The following RORC variants were observed in gnomAD, a reference collection of about 807,000 sequenced individuals.
The protein encoded by RORC is nuclear receptor ROR-gamma.
In RORC, 13 loss-of-function variants were observed where a neutral mutation model predicts 64.5. That is an observed-to-expected ratio of 0.20 (90% CI 0.13 to 0.32). The LOEUF is 0.32. RORC is among the 10% of genes least tolerant of loss of function. The pLI is 1.00. For synonymous variants in RORC, 277 were observed against 259.3 expected (o/e 1.07, Z -0.65); for missense variants, 468 against 669.5 (o/e 0.70, Z 3.32).
rs59443678 is a variant in RORC, at chr1:151,830,659, C to CACACACACACACACACAT, written c.40+1065_40+1066insATGTGTGTGTGTGTGTGT. Among the ~76,000 whole-genome samples, 3,476 of 139,066 alleles carry CACACACACACACACACAT rather than the reference C, an allele frequency of 0.025. 197 individuals are homozygous for CACACACACACACACACAT. The highest frequency in any genetic ancestry group is 0.043 in the Admixed American group (607 of 13,982). The allele number at this position is 139,066 out of a possible 152,430, so 91.2% of individuals were successfully genotyped here. ...ACACACACACACACACACACACACA[C>CACACACACACACACACAT]ACAGTGCCCTTCTGCCCGGGAGATG... On this transcript the variant is annotated intron_variant, in intron 1 of 10. Transcript: ENST00000318247. The surrounding 1 kb of genome is among the most constrained non-coding windows in gnomAD (Gnocchi z 4.0).
At position 151,813,816 on chromosome 1, in the gene RORC, G is replaced by A. The variant is rs549321110; in HGVS notation, c.934-196C>T. On this transcript the variant is annotated intron_variant, in intron 6 of 10. Transcript: ENST00000318247. ...GAGTCCCACACACTGAGCACCTACC[G>A]GCTGCTGACACCGAGTTAGCTGTTG... The A allele has an allele frequency of 4.6e-4, 274 of 598,740 alleles. 3 individuals carry two copies. Among genetic ancestry groups the A allele is most frequent in the South Asian group, 4.0e-3 (183 of 46,034 alleles). 37.1% of individuals were successfully genotyped at this position (598,740 alleles called of 1,614,324 possible). A position where few individuals can be genotyped will look rare whatever the true frequency, so the allele number is the denominator to read the frequency against.
Position 151,807,395 on chromosome 1 carries a change from A to G in RORC, c.*77T>C. The G allele has an allele frequency of 1.0e-5, 15 of 1,467,256 alleles. No homozygotes were observed. Among genetic ancestry groups the G allele is most frequent in the Non-Finnish European group, 1.4e-5 (15 of 1,068,362 alleles). 90.9% of individuals were successfully genotyped at this position (1,467,256 alleles called of 1,614,324 possible). A position where few individuals can be genotyped will look rare whatever the true frequency, so the allele number is the denominator to read the frequency against. ...ACCCTCCAGGGTTCATGGGAAAGGA[A>G]AAGGGTGAGGGTGGAACGGGGTCCA... On this transcript the variant is annotated 3_prime_UTR_variant, in exon 11 of 11. Transcript: ENST00000318247. This position sits in a 1 kb window ranked among gnomAD's most constrained non-coding sequence, Gnocchi z 5.0.
intron 1 of RORC, among the ~76,000 whole-genome samples, chr1:151,831,353 C>T (rs2101681621): frequency 6.6e-6 from 1 of 152,240 alleles, no homozygotes; most frequent in Non-Finnish European, 1.5e-5. Context: ...AAGCAGTGTC[C>T]CTGTGCCTCC....
At chr1:151,825,515 A>G (rs1019718609) in intron 2 of RORC, among the ~76,000 whole-genome samples, 1 of 152,148 alleles carries the variant, frequency 6.6e-6, no homozygotes, top group Non-Finnish European at 1.5e-5. Context: ...CTGGAGGCAC[A>G]GAGGGAAACA....
intron 2 of RORC, chr1:151,825,983 AGGGGGTGGTCCAGGAGTGG>A (rs1652179262): frequency 1.2e-6 from 2 of 1,610,858 alleles, no homozygotes; most frequent in Admixed American, 3.3e-5. Context: ...CCTTCTCAGC[AGGGGGTGGTCCAGGAGTGG>A]GGTGCAGCTG....
At chr1:151,828,634 C>T (rs886435662) in intron 2 of RORC, among the ~76,000 whole-genome samples, 2 of 152,142 alleles carry the variant, frequency 1.3e-5, no homozygotes, top group African/African-American at 2.4e-5. Context: ...CTTGTTCACA[C>T]CTCAGGATGT....
chr1:151,810,533 A>T lies in RORC; in HGVS notation c.1395+792T>A, dbSNP rs1030119591. 1.3e-4 allele frequency among the ~76,000 whole-genome samples: 19 copies of T among 142,082 alleles called. No homozygotes were observed. In the East Asian group the frequency reaches 2.7e-3, roughly 20 times the overall value. The allele number at this position is 142,082 out of a possible 152,430, so 93.2% of individuals were successfully genotyped here. A position where few individuals can be genotyped will look rare whatever the true frequency, so the allele number is the denominator to read the frequency against. On this transcript the variant is annotated intron_variant, in intron 10 of 10. Transcript: ENST00000318247. ...GAAGTCTCCTGATAGCTACAAGGAG[A>T]TTTTTTTTTTTTTTTTGAGACAGAG... is the stretch of plus-strand genomic sequence containing the variant.
chr1:151,831,556 T>C, intron 1 of RORC, 169 bp downstream of exon 1: 1 of 707,504 alleles, frequency 1.4e-6, no homozygotes, highest in South Asian at 6.3e-5. Flanking sequence ...CCCCAGCCCC[T>C]CCTCCTGTTT....
chr1:151,825,960 C>T (rs1479660181), intron 2 of RORC: 1 of 1,613,028 alleles, frequency 6.2e-7, no homozygotes, highest in African/African-American at 1.3e-5. Context: ...CTCTGCCGGC[C>T]TTGGCTCCCT....
Position 151,806,456 on chromosome 1 carries a change from T to A in RORC, c.*1016A>T, listed in dbSNP as rs1651314894. ...GACCAGTGCGAGCGACTTCTGCTTC[T>A]CTTGGGTCTTCTAGTGGTAGAAGAC... On this transcript the variant is annotated 3_prime_UTR_variant, in exon 11 of 11. Transcript: ENST00000318247. 1 of 153,166 alleles carries A rather than the reference T, an allele frequency of 6.5e-6. No homozygotes were observed. Among genetic ancestry groups the A allele is most frequent in the African/African-American group, 2.4e-5 (1 of 41,460 alleles). 9.5% of individuals were successfully genotyped at this position (153,166 alleles called of 1,614,324 possible).
chr1:151,813,326 C>A lies in RORC; in HGVS notation c.1087G>T (p.Val363Phe). The change falls in exon 8 of 11, where the codon GTT becomes TTT. Residue 363 changes from valine (V) to phenylalanine (F), a missense_variant. Val to Phe is a conservative substitution (Grantham distance 50). Around this residue, in one of 5 missense-constraint regions of RORC, gnomAD observed 100 missense variants for 190.8 expected, o/e 0.52. Transcript: ENST00000318247. ...GCATTGTAGGCCCGGCACATCCTAACCAGCACCACTTCCATTGCTCCTGGG... is the reference window on the plus strand; with the variant it reads ...GCATTGTAGGCCCGGCACATCCTAAACAGCACCACTTCCATTGCTCCTGGG... ...LKAGAMEVVLVRMCRAYNADN... is the reference protein window; with the variant it reads ...LKAGAMEVVLFRMCRAYNADN... 6.2e-7 allele frequency: 1 copy of A among 1,614,138 alleles called. No individual in the cohort carries two copies. Among genetic ancestry groups the A allele is most frequent in the Non-Finnish European group, 8.5e-7 (1 of 1,179,992 alleles).
Position 151,815,330 on chromosome 1 carries a change from G to T in RORC, c.394C>A (p.Pro132Thr), listed in dbSNP as rs770398960. Residue 132 changes from proline to threonine, a missense_variant, in exon 5 of 11, where the codon CCA (proline) becomes ACA (threonine). Pro to Thr is a conservative substitution (Grantham distance 38). Coordinates refer to ENST00000318247, the MANE Select transcript of RORC (RefSeq NM_005060.4). The stretch of plus-strand genomic sequence containing the variant: ...CCTGCTGGAGGGGTCTTGACCACTG[G>T]TTCCTGTTGCTGCTGTTGCCGCTGC... ...LQQRQQQQQE[P>T]VVKTPPAGAQ... 34 of 1,601,274 alleles carry T rather than the reference G, an allele frequency of 2.1e-5. No individual in the cohort carries two copies. The highest frequency in any genetic ancestry group is 2.8e-5 in the Non-Finnish European group (33 of 1,172,448).
chr1:151,827,035 T>C (rs1272932853), intron 2 of RORC, among the ~76,000 whole-genome samples: 1 of 152,200 alleles, frequency 6.6e-6, no homozygotes, highest in East Asian at 1.9e-4. Context: ...GGAGAATCGC[T>C]TGAACCCGGG....
At position 151,811,357 on chromosome 1, in the gene RORC, A is replaced by C. The variant is rs201848485; in HGVS notation, c.1363T>G (p.Cys455Gly). The change falls in exon 10 of 11, where the codon TGC becomes GGC. Residue 455 changes from cysteine (C) to glycine (G), a missense_variant. Cys to Gly is a radical substitution (Grantham distance 159). Transcript: ENST00000318247. The part of the protein sequence containing the change: ...NLELAFHHHL[C>G]KTHRQSILAK... ...AGGATGCTTTGGCGATGAGTCTTGCAGAGATGATGATGAAAGGCCAGCTCC... is the reference window on the plus strand; with the variant it reads ...AGGATGCTTTGGCGATGAGTCTTGCCGAGATGATGATGAAAGGCCAGCTCC... The C allele has an allele frequency of 9.3e-6, 15 of 1,613,832 alleles. No individual in the cohort carries two copies. Among genetic ancestry groups the C allele is most frequent in the African/African-American group, 1.3e-5 (1 of 74,926 alleles).
chr1:151,827,019 G>A (rs955956374), intron 2 of RORC, among the ~76,000 whole-genome samples: 9 of 152,222 alleles, frequency 5.9e-5, no homozygotes, highest in African/African-American at 2.2e-4. Context: ...TCAGGGGGCT[G>A]AGGCAGGAGA....
Position 151,813,537 on chromosome 1 carries a change from T to C in RORC, c.1017A>G (p.Ser339=), listed in dbSNP as rs770666776. The change falls in exon 7 of 11, where the codon TCA becomes TCG. Residue 339 remains serine (S), a synonymous_variant. Coordinates refer to ENST00000318247, the MANE Select transcript of RORC (RefSeq NM_005060.4). ...QYVVEFAKRL[S]GFMELCQNDQ... ...CATTCTGGCAGAGCTCCATAAAGCC[T>C]GAGAGCCTCTTGGCGAACTCCACCA... The C allele has an allele frequency of 6.2e-7, 1 of 1,614,078 alleles. No individual in the cohort carries two copies. Among genetic ancestry groups the C allele is most frequent in the Admixed American group, 1.7e-5 (1 of 60,008 alleles).
At chr1:151,814,824 T>A in intron 5 of RORC, 89 bp downstream of exon 5, 1 of 1,550,776 alleles carries the variant, frequency 6.4e-7, no homozygotes, top group Non-Finnish European at 8.7e-7. Flanking sequence ...ACCCCTCAAT[T>A]CCCTCAGGCG....
At chr1:151,831,083 C>T (rs767450620) in intron 1 of RORC, 44 of 1,288,924 alleles carry the variant, frequency 3.4e-5, no homozygotes, top group South Asian at 4.9e-5. Flanking sequence ...GGGCCAAGGA[C>T]GGCCTGACAT....
chr1:151,831,657 C>A (rs1652422392), intron 1 of RORC, 68 bp downstream of exon 1: 1 of 1,608,374 alleles, frequency 6.2e-7, no homozygotes, highest in Non-Finnish European at 8.5e-7. Context: ...CAGTCTCTTG[C>A]CATTTCTGCC....
Sources: allele counts gnomAD v4.1 joint callset (sites outside exome capture counted in the v4.1 genomes callset), GRCh38; gene constraint gnomAD v4.1.1; regional missense constraint gnomAD v4.1.1; non-coding constraint Gnocchi (gnomAD v3.1); transcripts MANE v1.5; gene names NCBI Gene and HGNC (gene_info 2026-07-23, HGNC 2026-07-21).